Variants in USH1C observed in about 807,000 individuals in gnomAD.
USH1C encodes USH1 protein network component harmonin.
In USH1C, 90 loss-of-function variants were observed where a neutral mutation model predicts 119.3. The ratio of observed to expected loss-of-function variants is 0.75; its 90% CI spans 0.64 to 0.90. The LOEUF (loss-of-function observed/expected upper bound fraction) is 0.90, where lower values mean the gene tolerates loss of function less well. Among genes scored for constraint, USH1C ranks in the 40% least tolerant of loss-of-function variants. The pLI is 0.00. For synonymous variants in USH1C, 465 were observed against 443.3 expected (o/e 1.05, Z -0.62); for missense variants, 1,165 against 1,167.7 (o/e 1.00, Z 0.03).
intron 22 of USH1C, 61 bp downstream of exon 22, chr11:17,501,421 A>G (rs1157450915): frequency 2.5e-6 from 4 of 1,572,688 alleles, no homozygotes; most frequent in Non-Finnish European, 3.5e-6. Flanking sequence ...CAGGAGACCA[A>G]GGGAGGAGGG....
intron 17 of USH1C, 80 bp downstream of exon 17, chr11:17,510,325 C>T (rs1565034658): frequency 1.9e-5 from 23 of 1,204,792 alleles, no homozygotes; most frequent in Non-Finnish European, 2.6e-5. Flanking sequence ...TGCTAGTTGT[C>T]ATCTCACCTC....
Position 17,500,330 on chromosome 11 carries a change from C to G in USH1C, c.2380+721G>C, listed in dbSNP as rs569786660. 2.0e-5 allele frequency among the ~76,000 whole-genome samples: 3 copies of G among 152,338 alleles called. No individual in the cohort carries two copies. In the East Asian group the frequency reaches 5.8e-4, roughly 29 times the overall value. On this transcript the variant is annotated intron_variant, in intron 23 of 26. Transcript: ENST00000005226. ...GCCTGGATTCAAGTCCTGCCTCCAC[C>G]TTCTCCTGGCTGTGGGTCCTTGAAC...
At chr11:17,540,568 C>T (rs1282125018) in intron 1 of USH1C, among the ~76,000 whole-genome samples, 1 of 151,908 alleles carries the variant, frequency 6.6e-6, no homozygotes, top group Admixed American at 6.5e-5. Context: ...TAGCAGGCGT[C>T]TCAAACTTAC....
intron 1 of USH1C, among the ~76,000 whole-genome samples, chr11:17,535,352 T>C (rs1245653192): frequency 6.6e-6 from 1 of 151,856 alleles, no homozygotes; most frequent in Admixed American, 6.6e-5. Flanking sequence ...CTTGGACTGC[T>C]TCCCCCACTT....
In USH1C at chr11:17,495,559, G is replaced by A. The variant is rs1042343389; in HGVS notation, c.2655+10C>T. ...ACACACAGGGCCCTGTGGCCCGCCT[G>A]CCTATTCACCGTGGGCTCCAGCTGC... On this transcript the variant is annotated intron_variant, in intron 26 of 26. Coordinates refer to ENST00000005226, the MANE Select transcript of USH1C (RefSeq NM_153676.4). The A allele has an allele frequency of 6.2e-7, 1 of 1,613,484 alleles. No individual in the cohort carries two copies. The highest frequency in any genetic ancestry group is 8.5e-7 in the Non-Finnish European group (1 of 1,179,636).
chr11:17,527,528 C>A (rs138991174), intron 4 of USH1C, among the ~76,000 whole-genome samples, 197 bp from the exon 5 acceptor site: 2 of 152,224 alleles, frequency 1.3e-5, no homozygotes, highest in South Asian at 4.2e-4. Context: ...CATGTCCAAG[C>A]AGTCTTGTCG....
intron 1 of USH1C, among the ~76,000 whole-genome samples, chr11:17,540,962 C>T (rs1252257209): frequency 6.6e-6 from 1 of 152,216 alleles, no homozygotes; most frequent in Non-Finnish European, 1.5e-5. Flanking sequence ...CCATTTCTCA[C>T]CATTCTCCAC....
chr11:17,539,765 G>A (rs1851376583), intron 1 of USH1C, among the ~76,000 whole-genome samples: 1 of 150,276 alleles, frequency 6.7e-6, no homozygotes, highest in African/African-American at 2.5e-5. Context: ...TTCTTGTCTA[G>A]GGTTCTCTCT....
At chr11:17,519,731 C>A (rs1850330800) in intron 14 of USH1C, among the ~76,000 whole-genome samples, 2 of 152,128 alleles carry the variant, frequency 1.3e-5, no homozygotes, top group African/African-American at 4.8e-5. Flanking sequence ...CTGAGAGGAC[C>A]AGGAGATGAC....
intron 1 of USH1C, among the ~76,000 whole-genome samples, chr11:17,542,490 G>A (rs891987535): frequency 1.1e-4 from 16 of 152,258 alleles, no homozygotes; most frequent in Non-Finnish European, 2.2e-4. Context: ...ATATTAATAA[G>A]TAATGACTGT....
At chr11:17,539,681 C>T (rs1851373492) in intron 1 of USH1C, among the ~76,000 whole-genome samples, 1 of 152,068 alleles carries the variant, frequency 6.6e-6, no homozygotes, top group Non-Finnish European at 1.5e-5. Flanking sequence ...GAGTGTGCAT[C>T]CCAGTGGTAC....
chr11:17,540,150 C>G (rs559737082), intron 1 of USH1C, among the ~76,000 whole-genome samples: 2 of 152,058 alleles, frequency 1.3e-5, no homozygotes, highest in African/African-American at 2.4e-5. Context: ...TTTTCTGGAA[C>G]CACTTTATTG....
chr11:17,529,874 C>T (rs1361926709), intron 4 of USH1C, among the ~76,000 whole-genome samples: 4 of 152,208 alleles, frequency 2.6e-5, no homozygotes, highest in East Asian at 1.9e-4. Context: ...CCCCAGTCAT[C>T]GAGGCAGCAT....
At chr11:17,540,578 C>T (rs1851422996) in intron 1 of USH1C, among the ~76,000 whole-genome samples, 1 of 152,060 alleles carries the variant, frequency 6.6e-6, no homozygotes, top group Non-Finnish European at 1.5e-5. Flanking sequence ...CTCAAACTTA[C>T]AGCATTCGAA....
intron 26 of USH1C, chr11:17,494,598 G>A: frequency 4.9e-6 from 3 of 611,344 alleles, no homozygotes; most frequent in South Asian, 3.8e-5. Flanking sequence ...CCTGGGATGG[G>A]GGAAGGAGGA....
At chr11:17,532,965 C>G (rs1282177762) in intron 2 of USH1C, among the ~76,000 whole-genome samples, 2 of 152,186 alleles carry the variant, frequency 1.3e-5, no homozygotes, top group Non-Finnish European at 2.9e-5. Context: ...CAATCATGCT[C>G]TATAGAATCT....
rs1295816654 is a variant in USH1C, at chr11:17,494,352, C to T, written c.2680G>A (p.Gly894Arg). Reference protein sequence around the residue: ...PTDLLLKSKRGNQIHR With the variant: ...PTDLLLKSKRRNQIHR ...GTTTCCTAACGGTGAATTTGGTTTCCCCTTTTGGACTTCAGAAGAAGGTCC... is the reference window on the plus strand; with the variant it reads ...GTTTCCTAACGGTGAATTTGGTTTCTCCTTTTGGACTTCAGAAGAAGGTCC... Residue 894 changes from glycine to arginine, a missense_variant, in exon 27 of 27, where the codon GGA (glycine) becomes AGA (arginine). By Grantham distance (125) the Gly-to-Arg change is moderately radical. Coordinates refer to ENST00000005226, the MANE Select transcript of USH1C (RefSeq NM_153676.4). The T allele has an allele frequency of 6.2e-7, 1 of 1,606,340 alleles. No homozygotes were observed. The highest frequency in any genetic ancestry group is 1.1e-5 in the South Asian group (1 of 89,148).
chr11:17,501,282 G>A, intron 22 of USH1C, 132 bp from the exon 23 acceptor site: 1 of 1,034,842 alleles, frequency 9.7e-7, no homozygotes. Context: ...GTGCCATCTG[G>A]AGAAAACGCA....
rs1361024884 is a variant in USH1C, at chr11:17,510,670, A to G, written c.1414-149T>C. On this transcript the variant is annotated intron_variant, in intron 16 of 26. Coordinates refer to ENST00000005226, the MANE Select transcript of USH1C (RefSeq NM_153676.4). ...TAGAAAGAGACCTGGGCTTGTTCCAACTGGCCCTCAAGGAGGCAGCAGCAA... is the reference window on the plus strand; with the variant it reads ...TAGAAAGAGACCTGGGCTTGTTCCAGCTGGCCCTCAAGGAGGCAGCAGCAA... The G allele has an allele frequency of 3.0e-5, 21 of 702,278 alleles. No individual in the cohort carries two copies. The Admixed American group carries it at 3.3e-4, about 11-fold the overall frequency. 43.5% of individuals were successfully genotyped at this position (702,278 alleles called of 1,614,324 possible).
Sources: gnomAD v4.1 joint callset for allele counts (sites outside exome capture counted in the v4.1 genomes callset) on GRCh38, gnomAD v4.1.1 for gene constraint, MANE v1.5 for transcripts, NCBI Gene and HGNC (gene_info 2026-07-23, HGNC 2026-07-21) for gene names.